Variants in EVX2 observed in about 807,000 individuals in gnomAD.
The protein encoded by EVX2 is homeobox even-skipped homolog protein 2.
EVX2 carries 10 observed loss-of-function variants against 19.2 expected under a neutral mutation model. The observed-to-expected ratio is 0.52, with a 90% CI of 0.32 to 0.89. EVX2 has a LOEUF of 0.89. EVX2 is among the 40% of genes least tolerant of loss of function. The probability of loss-of-function intolerance (pLI) is 0.03; values close to 1 mark genes in which losing one functional copy is unlikely to be tolerated. For missense variants in EVX2, 710 were observed against 694.9 expected, an observed-to-expected ratio of 1.02 and a Z score of -0.24; for synonymous variants, 354 against 328.4, an observed-to-expected ratio of 1.08 and a Z score of -0.84.
In EVX2 at chr2:176,083,771, CA is replaced by C; in HGVS notation, c.5del (p.Met2ArgfsTer4). 1 of 1,608,552 alleles carries C rather than the reference CA, an allele frequency of 6.2e-7. No homozygotes were observed. Among genetic ancestry groups the C allele is most frequent in the South Asian group, 1.1e-5 (1 of 91,050 alleles). MMERIRKEMILM... is the reference protein window; with the variant it reads MXERIRKEMILM... Reference sequence around the variant, plus strand: ...GAATCATCTCTTTTCTTATTCTTTCCATCATCTCAGCTTTCTTAAAAATGTC... The same window carrying C: ...GAATCATCTCTTTTCTTATTCTTTCCTCATCTCAGCTTTCTTAAAAATGTC... On this transcript the variant is annotated frameshift_variant, in exon 1 of 3. Transcript: ENST00000308618. LOFTEE classifies it high-confidence loss of function. This position sits in a 1 kb window ranked among gnomAD's most constrained non-coding sequence, Gnocchi z 4.4.
rs1574937623 is a variant in EVX2, at chr2:176,080,773, T to A, written c.765A>T (p.Pro255=). 7 of 1,611,206 alleles carry A rather than the reference T, an allele frequency of 4.3e-6. No homozygotes were observed. The highest frequency in any genetic ancestry group is 5.1e-6 in the Non-Finnish European group (6 of 1,179,542). The change falls in exon 3 of 3, where the codon CCA becomes CCT. Residue 255 remains proline, a synonymous_variant. Transcript: ENST00000308618. The surrounding 1 kb of genome is among the most constrained non-coding windows in gnomAD (Gnocchi z 7.0). The part of the protein sequence containing the change: ...RQRLAMSWPH[P]ADPSFYTYMM... ...TGTAGGTGTAGAAGCTGGGGTCGGC[T>A]GGGTGCGGCCAGGACATGGCCAGGC...
chr2:176,083,768 T>C lies in EVX2; in HGVS notation c.9A>G (p.Glu3=), dbSNP rs1689184251. The change falls in exon 1 of 3, where the codon GAA becomes GAG. Residue 3 remains glutamate, a synonymous_variant. Transcript: ENST00000308618. This position sits in a 1 kb window ranked among gnomAD's most constrained non-coding sequence, Gnocchi z 4.4. Reference sequence around the variant, plus strand: ...TCAGAATCATCTCTTTTCTTATTCTTTCCATCATCTCAGCTTTCTTAAAAA... The same window carrying C: ...TCAGAATCATCTCTTTTCTTATTCTCTCCATCATCTCAGCTTTCTTAAAAA... The part of the protein sequence containing the change: MM[E]RIRKEMILME... 6 of 1,609,088 alleles carry C rather than the reference T, an allele frequency of 3.7e-6. No homozygotes were observed. The East Asian group carries it at 1.1e-4, about 30-fold the overall frequency.
chr2:176,080,200 G>T lies in EVX2; in HGVS notation c.1338C>A (p.Ser446=). 1 of 1,467,194 alleles carries T rather than the reference G, an allele frequency of 6.8e-7. No homozygotes were observed. Among genetic ancestry groups the T allele is most frequent in the East Asian group, 2.9e-5 (1 of 33,942 alleles). 90.9% of individuals were successfully genotyped at this position (1,467,194 alleles called of 1,614,324 possible). Residue 446 remains serine, a synonymous_variant, in exon 3 of 3, where the codon TCC becomes TCA. Transcript: ENST00000308618. The surrounding 1 kb of genome is among the most constrained non-coding windows in gnomAD (Gnocchi z 7.0). ...CCGAGTAGGGCAGGAAGCCGCTCTC[G>T]GAACGCGGCGCCGCCGCGCTGCAGC... is the stretch of plus-strand genomic sequence containing the variant. The part of the protein sequence containing the change: ...DFGCSAAAPR[S]ESGFLPYSAA...
chr2:176,078,367 CACAT>C lies in EVX2; in HGVS notation c.*1736_*1739del, dbSNP rs1689083241. 6.6e-6 allele frequency: 1 copy of C among 152,190 alleles called. No individual in the cohort carries two copies. Among genetic ancestry groups the C allele is most frequent in the African/African-American group, 2.4e-5 (1 of 41,440 alleles). The allele number at this position is 152,190 out of a possible 1,614,324, so 9.4% of individuals were successfully genotyped here. ...ACCTACATTTTAATACACGTACACA[CACAT>C]ACCCACTTCGCTGGGTCTAAACATG... On this transcript the variant is annotated 3_prime_UTR_variant, in exon 3 of 3. Transcript: ENST00000308618.
chr2:176,080,192 C>A lies in EVX2; in HGVS notation c.1346G>T (p.Gly449Val), dbSNP rs761557024. The change falls in exon 3 of 3, where the codon GGC becomes GTC. Residue 449 changes from glycine (G) to valine (V), a missense_variant. Coordinates refer to ENST00000308618, the MANE Select transcript of EVX2 (RefSeq NM_001080458.2). This position sits in a 1 kb window ranked among gnomAD's most constrained non-coding sequence, Gnocchi z 7.0. ...CSAAAPRSES[G>V]FLPYSAAVLS... ...CACCGCGGCCGAGTAGGGCAGGAAGCCGCTCTCGGAACGCGGCGCCGCCGC... is the reference window on the plus strand; with the variant it reads ...CACCGCGGCCGAGTAGGGCAGGAAGACGCTCTCGGAACGCGGCGCCGCCGC... 5.4e-6 allele frequency: 8 copies of A among 1,487,070 alleles called. No homozygotes were observed. Among genetic ancestry groups the A allele is most frequent in the South Asian group, 5.1e-5 (4 of 78,424 alleles). 92.1% of individuals were successfully genotyped at this position (1,487,070 alleles called of 1,614,324 possible).
chr2:176,083,258 G>C lies in EVX2; in HGVS notation c.427+92C>G. 1 of 1,358,882 alleles carries C rather than the reference G, an allele frequency of 7.4e-7. No homozygotes were observed. The highest frequency in any genetic ancestry group is 1.0e-6 in the Non-Finnish European group (1 of 997,222). The allele number at this position is 1,358,882 out of a possible 1,614,324, so 84.2% of individuals were successfully genotyped here. The stretch of plus-strand genomic sequence containing the variant: ...GGTGTAGCTTGCCTGTGGAGGGTCT[G>C]AGAGGGGAAAAGGCACCGGGAAAGG... On this transcript the variant is annotated intron_variant, in intron 1 of 2. Coordinates refer to ENST00000308618, the MANE Select transcript of EVX2 (RefSeq NM_001080458.2). This position sits in a 1 kb window ranked among gnomAD's most constrained non-coding sequence, Gnocchi z 4.4.
rs1689089211 is a variant in EVX2, at chr2:176,078,795, A to G, written c.*1312T>C. On this transcript the variant is annotated 3_prime_UTR_variant, in exon 3 of 3. Transcript: ENST00000308618. Reference sequence around the variant, plus strand: ...TTTTCTCCAATTCCACATTCAAAGGAGGTCCATCAGAGAGCATGATTGGCA... The same window carrying G: ...TTTTCTCCAATTCCACATTCAAAGGGGGTCCATCAGAGAGCATGATTGGCA... 6.6e-6 allele frequency: 1 copy of G among 152,214 alleles called. No homozygotes were observed. 9.4% of individuals were successfully genotyped at this position (152,214 alleles called of 1,614,324 possible).
Position 176,082,254 on chromosome 2 carries a change from T to A in EVX2, c.623A>T (p.Tyr208Phe). ...GGGCCGCGACACATAGTTCTCCCGG[T>A]AGAACTCCTTCTCCAGGCGCGCGAT... ...EQIARLEKEF[Y>F]RENYVSRPRR... Residue 208 changes from tyrosine to phenylalanine, a missense_variant, in exon 2 of 3, where the codon TAC (tyrosine) becomes TTC (phenylalanine). Coordinates refer to ENST00000308618, the MANE Select transcript of EVX2 (RefSeq NM_001080458.2). The surrounding 1 kb of genome is among the most constrained non-coding windows in gnomAD (Gnocchi z 5.2). The A allele has an allele frequency of 6.2e-7, 1 of 1,603,636 alleles. No individual in the cohort carries two copies. The highest frequency in any genetic ancestry group is 8.5e-7 in the Non-Finnish European group (1 of 1,179,162).
In EVX2 at chr2:176,079,169, G is replaced by C. The variant is rs1210248554; in HGVS notation, c.*938C>G. Reference sequence around the variant, plus strand: ...CAGATCGAGTGGAACCCGGTAGTTGGAAAACTGAGCTGAAAACGCCTCTCC... The same window carrying C: ...CAGATCGAGTGGAACCCGGTAGTTGCAAAACTGAGCTGAAAACGCCTCTCC... On this transcript the variant is annotated 3_prime_UTR_variant, in exon 3 of 3. Coordinates refer to ENST00000308618, the MANE Select transcript of EVX2 (RefSeq NM_001080458.2). The surrounding 1 kb of genome is among the most constrained non-coding windows in gnomAD (Gnocchi z 4.4). The C allele has an allele frequency of 1.3e-5, 2 of 152,178 alleles. No homozygotes were observed. Among genetic ancestry groups the C allele is most frequent in the Non-Finnish European group, 2.9e-5 (2 of 68,034 alleles). The allele number at this position is 152,178 out of a possible 1,614,324, so 9.4% of individuals were successfully genotyped here.
chr2:176,078,579 A>G lies in EVX2; in HGVS notation c.*1528T>C, dbSNP rs1689085968. 6.6e-6 allele frequency: 1 copy of G among 152,222 alleles called. No individual in the cohort carries two copies. The highest frequency in any genetic ancestry group is 2.4e-5 in the African/African-American group (1 of 41,464). The allele number at this position is 152,222 out of a possible 1,614,324, so 9.4% of individuals were successfully genotyped here. ...GGGCGTCCAAGTTACCAAAATGAAAATCGGCAATTGAGATGATAAGAACGT... is the reference window on the plus strand; with the variant it reads ...GGGCGTCCAAGTTACCAAAATGAAAGTCGGCAATTGAGATGATAAGAACGT... On this transcript the variant is annotated 3_prime_UTR_variant, in exon 3 of 3. Transcript: ENST00000308618.
chr2:176,083,486 C>T lies in EVX2; in HGVS notation c.291G>A (p.Glu97=), dbSNP rs575398101. The T allele has an allele frequency of 6.2e-7, 1 of 1,614,200 alleles. No individual in the cohort carries two copies. Among genetic ancestry groups the T allele is most frequent in the South Asian group, 1.1e-5 (1 of 91,080 alleles). Residue 97 remains glutamate, a synonymous_variant, in exon 1 of 3, where the codon GAG becomes GAA. Coordinates refer to ENST00000308618, the MANE Select transcript of EVX2 (RefSeq NM_001080458.2). This position sits in a 1 kb window ranked among gnomAD's most constrained non-coding sequence, Gnocchi z 4.4. ...TVSSEISSAA[E]SRKKPGHYSE... ...AATAATGGCCCGGCTTCTTGCGGCT[C>T]TCGGCGGCGGAGGAGATTTCGGAGG...
Position 176,083,211 on chromosome 2 carries a change from C to T in EVX2, c.427+139G>A. 1 of 905,864 alleles carries T rather than the reference C, an allele frequency of 1.1e-6. No individual in the cohort carries two copies. The highest frequency in any genetic ancestry group is 1.6e-6 in the Non-Finnish European group (1 of 607,404). 56.1% of individuals were successfully genotyped at this position (905,864 alleles called of 1,614,324 possible). On this transcript the variant is annotated intron_variant, in intron 1 of 2. Coordinates refer to ENST00000308618, the MANE Select transcript of EVX2 (RefSeq NM_001080458.2). The surrounding 1 kb of genome is among the most constrained non-coding windows in gnomAD (Gnocchi z 4.4). ...GAAGGCACGGTCCCAGACATGCGTC[C>T]CGCCCCCGCCCGTGCTAGCTCGGTG...
At position 176,083,473 on chromosome 2, in the gene EVX2, G is replaced by C. The variant is rs1174509567; in HGVS notation, c.304C>G (p.Pro102Ala). 3 of 1,614,052 alleles carry C rather than the reference G, an allele frequency of 1.9e-6. No homozygotes were observed. In the Admixed American group the frequency reaches 5.0e-5, roughly 27 times the overall value. ...GCGGCCGCCTCTGAATAATGGCCCG[G>C]CTTCTTGCGGCTCTCGGCGGCGGAG... ...ISSAAESRKK[P>A]GHYSEAAAEA... The change falls in exon 1 of 3, where the codon CCG becomes GCG. Residue 102 changes from proline (P) to alanine (A), a missense_variant. Physicochemically the swap from Pro to Ala is conservative, Grantham distance 27. Transcript: ENST00000308618. This position sits in a 1 kb window ranked among gnomAD's most constrained non-coding sequence, Gnocchi z 4.4.
Position 176,081,686 on chromosome 2 carries a change from T to A in EVX2, c.699+492A>T, listed in dbSNP as rs1187241062. ...TTTTCCCCGCAGGAGGTTGCCCTTT[T>A]TTCGTTGCCCAAGAGGAAAATGTTC... On this transcript the variant is annotated intron_variant, in intron 2 of 2. Transcript: ENST00000308618. The surrounding 1 kb of genome is among the most constrained non-coding windows in gnomAD (Gnocchi z 5.9). 3.9e-5 allele frequency among the ~76,000 whole-genome samples: 6 copies of A among 152,214 alleles called. No individual in the cohort carries two copies. Among genetic ancestry groups the A allele is most frequent in the Non-Finnish European group, 8.8e-5 (6 of 68,032 alleles).
Position 176,080,948 on chromosome 2 carries a change from C to T in EVX2, c.700-110G>A. On this transcript the variant is annotated intron_variant, in intron 2 of 2. Coordinates refer to ENST00000308618, the MANE Select transcript of EVX2 (RefSeq NM_001080458.2). This position sits in a 1 kb window ranked among gnomAD's most constrained non-coding sequence, Gnocchi z 7.0. ...CCTCTGAATGGCTTGGTCTACTTCT[C>T]TCCGACCAAGCCCAACCCCGAGTAC... The T allele has an allele frequency of 7.3e-7, 1 of 1,366,604 alleles. No individual in the cohort carries two copies. Among genetic ancestry groups the T allele is most frequent in the Non-Finnish European group, 9.7e-7 (1 of 1,030,850 alleles). The allele number at this position is 1,366,604 out of a possible 1,614,324, so 84.7% of individuals were successfully genotyped here. A position where few individuals can be genotyped will look rare whatever the true frequency, so the allele number is the denominator to read the frequency against.
rs1017686656 is a variant in EVX2 at position 176,081,746 on chromosome 2, G to C, written c.699+432C>G. On this transcript the variant is annotated intron_variant, in intron 2 of 2. Transcript: ENST00000308618. The surrounding 1 kb of genome is among the most constrained non-coding windows in gnomAD (Gnocchi z 5.9). ...CTGTCTCAAACCAATCGATTTTAAA[G>C]ATACAGTATCCTTTTCTCCGTGTAA... is the stretch of plus-strand genomic sequence containing the variant. Among the ~76,000 whole-genome samples, 11 of 152,316 alleles carry C rather than the reference G, an allele frequency of 7.2e-5. No homozygotes were observed. Among genetic ancestry groups the C allele is most frequent in the African/African-American group, 2.6e-4 (11 of 41,578 alleles).
chr2:176,079,950 C>G lies in EVX2; in HGVS notation c.*157G>C, dbSNP rs1574937070. ...GCTTTTGCGCCTGCTCCTTCTCCCCCAATTCGGAGCAGGTTCCCTTCGGCC... is the reference window on the plus strand; with the variant it reads ...GCTTTTGCGCCTGCTCCTTCTCCCCGAATTCGGAGCAGGTTCCCTTCGGCC... On this transcript the variant is annotated 3_prime_UTR_variant, in exon 3 of 3. Coordinates refer to ENST00000308618, the MANE Select transcript of EVX2 (RefSeq NM_001080458.2). This position sits in a 1 kb window ranked among gnomAD's most constrained non-coding sequence, Gnocchi z 4.4. 3 of 734,532 alleles carry G rather than the reference C, an allele frequency of 4.1e-6. No individual in the cohort carries two copies. The East Asian group carries it at 1.0e-4, about 26-fold the overall frequency. The allele number at this position is 734,532 out of a possible 1,614,324, so 45.5% of individuals were successfully genotyped here. A position where few individuals can be genotyped will look rare whatever the true frequency, so the allele number is the denominator to read the frequency against.
In EVX2 at chr2:176,082,194, G is replaced by A. The variant is rs1168695055; in HGVS notation, c.683C>T (p.Pro228Leu). The A allele has an allele frequency of 6.3e-7, 1 of 1,592,332 alleles. No homozygotes were observed. The highest frequency in any genetic ancestry group is 1.7e-5 in the Admixed American group (1 of 59,150). The change falls in exon 2 of 3, where the codon CCC becomes CTC. Residue 228 changes from proline (P) to leucine (L), a missense_variant. Physicochemically the swap from Pro to Leu is moderately conservative, Grantham distance 98. Transcript: ENST00000308618. The surrounding 1 kb of genome is among the most constrained non-coding windows in gnomAD (Gnocchi z 5.2). ...RCELAAALNL[P>L]ETTIKVWFQN... ...AATTGATACCTTGATGGTGGTTTCGGGCAGGTTGAGTGCCGCGGCCAGCTC... is the reference window on the plus strand; with the variant it reads ...AATTGATACCTTGATGGTGGTTTCGAGCAGGTTGAGTGCCGCGGCCAGCTC...
chr2:176,081,842 G>A lies in EVX2; in HGVS notation c.699+336C>T, dbSNP rs1006066014. ...AGTTTCACCTCTGGTTCCTGCTTGA[G>A]GAACAAAGACCAACTGGGCTTGCCG... On this transcript the variant is annotated intron_variant, in intron 2 of 2. Transcript: ENST00000308618. The surrounding 1 kb of genome is among the most constrained non-coding windows in gnomAD (Gnocchi z 5.9). Among the ~76,000 whole-genome samples, 3 of 152,190 alleles carry A rather than the reference G, an allele frequency of 2.0e-5. No homozygotes were observed. The highest frequency in any genetic ancestry group is 7.2e-5 in the African/African-American group (3 of 41,464).
Sources: allele counts gnomAD v4.1 joint callset (sites outside exome capture counted in the v4.1 genomes callset), GRCh38; gene constraint gnomAD v4.1.1; non-coding constraint Gnocchi (gnomAD v3.1); transcripts MANE v1.5; gene names NCBI Gene and HGNC (gene_info 2026-07-23, HGNC 2026-07-21).